Variants in STK3 observed in about 807,000 individuals in gnomAD.
STK3 encodes serine/threonine kinase 3.
A neutral mutation model predicts 58.0 loss-of-function variants in STK3; 41 were observed. The ratio of observed to expected loss-of-function variants is 0.71; its 90% CI spans 0.55 to 0.92. The LOEUF (loss-of-function observed/expected upper bound fraction) is 0.92, where lower values mean the gene tolerates loss of function less well. Among genes scored for constraint, STK3 ranks in the 40% least tolerant of loss-of-function variants. The probability of loss-of-function intolerance (pLI) is 0.00; values close to 1 mark genes in which losing one functional copy is unlikely to be tolerated. For synonymous variants in STK3, 170 were observed against 191.0 expected (o/e 0.89, Z 0.91); for missense variants, 479 against 602.7 (o/e 0.79, Z 2.15).
intron 9 of STK3, among the ~76,000 whole-genome samples, chr8:98,540,804 G>A (rs942666416): frequency 2.1e-4 from 32 of 151,984 alleles, no homozygotes; most frequent in African/African-American, 7.0e-4. Flanking sequence ...TGGTGGGGGC[G>A]GTGGGGGGAA....
At chr8:98,931,895 A>T (rs1840018967) in intron 1 of STK3, among the ~76,000 whole-genome samples, 1 of 152,218 alleles carries the variant, frequency 6.6e-6, no homozygotes, top group Non-Finnish European at 1.5e-5. Flanking sequence ...TTGCTCCAGG[A>T]ATGTTGTTCC....
rs539573906 is a variant in STK3 at position 98,596,312 on chromosome 8, T to A, written c.685-143A>T. ...TCTAGGATTTCTAGTAACACTGAAA[T>A]TCAGGAAGCCAGTCCATCTGCTACT... On this transcript the variant is annotated intron_variant, in intron 6 of 10. Coordinates refer to ENST00000419617, the MANE Select transcript of STK3 (RefSeq NM_006281.4). 3 of 953,832 alleles carry A rather than the reference T, an allele frequency of 3.1e-6. No individual in the cohort carries two copies. The African/African-American group carries it at 5.0e-5, about 16-fold the overall frequency. The allele number at this position is 953,832 out of a possible 1,614,324, so 59.1% of individuals were successfully genotyped here.
chr8:98,641,856 A>ATG (rs1820045610), intron 6 of STK3, among the ~76,000 whole-genome samples: 1 of 152,196 alleles, frequency 6.6e-6, no homozygotes, highest in Non-Finnish European at 1.5e-5. Flanking sequence ...AGGCATTCCA[A>ATG]CCTGAGAACA....
chr8:98,825,940 G>T (rs549533348), upstream of STK3, among the ~76,000 whole-genome samples: 4,713 of 147,766 alleles, frequency 0.032, 121 homozygotes, highest in South Asian at 0.06. Flanking sequence ...CACCGCGGCG[G>T]GGGGCGGAGC....
At chr8:98,778,969 A>T (rs1403220841) in intron 1 of STK3, 1 of 152,120 alleles carries the variant, frequency 6.6e-6, no homozygotes, top group East Asian at 1.9e-4. Context: ...AACATGGCAC[A>T]TGTATACATA....
intron 1 of STK3, among the ~76,000 whole-genome samples, chr8:98,816,021 A>C (rs1834519083): frequency 6.6e-6 from 1 of 152,176 alleles, no homozygotes; most frequent in South Asian, 2.1e-4. Flanking sequence ...TAAGGGATCG[A>C]ACTTGAGTCT....
At chr8:98,456,580 G>A (rs1020693360) in intron 10 of STK3, among the ~76,000 whole-genome samples, 3 of 152,180 alleles carry the variant, frequency 2.0e-5, no homozygotes, top group South Asian at 2.1e-4. Flanking sequence ...TTCTGGAGTA[G>A]GACAGTTATG....
intron 1 of STK3, among the ~76,000 whole-genome samples, chr8:98,778,050 G>A (rs1831822065): frequency 2.0e-5 from 3 of 152,244 alleles, no homozygotes; most frequent in South Asian, 4.1e-4. Context: ...AAACTAAAGA[G>A]CTTCTGCACA....
At chr8:98,398,205 G>A (rs1817912207), downstream of STK3, among the ~76,000 whole-genome samples, 1 of 152,172 alleles carries the variant, frequency 6.6e-6, no homozygotes, top group African/African-American at 2.4e-5. Flanking sequence ...GGTGGATGGG[G>A]AATCTTTGTT....
chr8:98,579,317 T>C (rs1192917221), intron 8 of STK3, among the ~76,000 whole-genome samples: 1 of 152,232 alleles, frequency 6.6e-6, no homozygotes, highest in Non-Finnish European at 1.5e-5. Flanking sequence ...GTACGTTTTA[T>C]CTACAGCATA....
intron 4 of STK3, among the ~76,000 whole-genome samples, chr8:98,731,256 A>G (rs1259209913): frequency 6.6e-6 from 1 of 152,186 alleles, no homozygotes; most frequent in Non-Finnish European, 1.5e-5. Context: ...TAGGGTAGGG[A>G]GAGCAAGAGG....
At chr8:98,711,206 G>C (rs902286473) in intron 4 of STK3, among the ~76,000 whole-genome samples, 1 of 152,082 alleles carries the variant, frequency 6.6e-6, no homozygotes, top group South Asian at 2.1e-4. Flanking sequence ...AGAAAAACTG[G>C]AAACTCTAAA....
chr8:98,691,601 T>C (rs1824407649), intron 6 of STK3, among the ~76,000 whole-genome samples: 1 of 152,062 alleles, frequency 6.6e-6, no homozygotes, highest in South Asian at 2.1e-4. Flanking sequence ...AGCAGGTCAG[T>C]ACTAGAGAGA....
chr8:98,915,796 C>G (rs1839326572), intron 1 of STK3, among the ~76,000 whole-genome samples: 1 of 152,058 alleles, frequency 6.6e-6, no homozygotes, highest in Non-Finnish European at 1.5e-5. Context: ...CCACACACAT[C>G]AAGTTCTTAT....
intron 1 of STK3, among the ~76,000 whole-genome samples, chr8:98,794,882 A>G (rs1034075646): frequency 6.6e-6 from 1 of 151,446 alleles, no homozygotes; most frequent in Admixed American, 6.6e-5. Flanking sequence ...AGCCTGACCA[A>G]CATGGAGAAA....
chr8:98,646,330 A>G (rs1410581125), intron 6 of STK3, among the ~76,000 whole-genome samples: 3 of 152,172 alleles, frequency 2.0e-5, no homozygotes, highest in Non-Finnish European at 4.4e-5. Flanking sequence ...CCCAGAAAAC[A>G]CCCAGTTTTC....
intron 4 of STK3, among the ~76,000 whole-genome samples, chr8:98,715,945 T>C (rs1165373525): frequency 6.6e-6 from 1 of 152,136 alleles, no homozygotes; most frequent in Non-Finnish European, 1.5e-5. Flanking sequence ...TGGAATACTA[T>C]GCAGCCATAA....
At chr8:98,589,854 T>C (rs539512493) in intron 7 of STK3, among the ~76,000 whole-genome samples, 1 of 152,334 alleles carries the variant, frequency 6.6e-6, no homozygotes, top group Non-Finnish European at 1.5e-5. Flanking sequence ...GGGAGTGGCC[T>C]GATTTTCCAG....
In STK3 at chr8:98,788,612, C is replaced by T. The variant is rs953879693; in HGVS notation, c.27-13793G>A. Among the ~76,000 whole-genome samples the T allele has an allele frequency of 5.9e-5, 9 of 151,890 alleles. No homozygotes were observed. In the East Asian group the frequency reaches 9.6e-4, roughly 16 times the overall value. ...ATTCCATGCAAATGGACACCAAAAG[C>T]GAGTAGGAATAGCTATTCTTATACC... is the stretch of plus-strand genomic sequence containing the variant. On this transcript the variant is annotated intron_variant, in intron 1 of 10. Coordinates refer to ENST00000419617, the MANE Select transcript of STK3 (RefSeq NM_006281.4).
Sources: gnomAD v4.1 joint callset for allele counts (sites outside exome capture counted in the v4.1 genomes callset) on GRCh38, gnomAD v4.1.1 for gene constraint, MANE v1.5 for transcripts, NCBI Gene and HGNC (gene_info 2026-07-23, HGNC 2026-07-21) for gene names.